The following IRAG1 variants were observed in gnomAD, a reference collection of about 807,000 sequenced individuals.
IRAG1 encodes the protein IP3R-associated cGMP kinase substrate.
In IRAG1, 62 loss-of-function variants were observed where a neutral mutation model predicts 106.2. That is an observed-to-expected ratio of 0.58 (90% confidence interval 0.48 to 0.72). The LOEUF (loss-of-function observed/expected upper bound fraction) is 0.72. Among genes scored for constraint, IRAG1 ranks in the 30% least tolerant of loss-of-function variants. The pLI is 0.00. For synonymous variants in IRAG1, 462 were observed against 443.9 expected (o/e 1.04, Z -0.51); for missense variants, 1,064 against 1,140.7 (o/e 0.93, Z 0.97).
In IRAG1 at chr11:10,576,161, G is replaced by A. The variant is rs907743050; in HGVS notation, c.*171C>T. 2 of 813,674 alleles carry A rather than the reference G, an allele frequency of 2.5e-6. No homozygotes were observed. The highest frequency in any genetic ancestry group is 3.5e-5 in the African/African-American group (2 of 57,678). The allele number at this position is 813,674 out of a possible 1,614,324, so 50.4% of individuals were successfully genotyped here. On this transcript the variant is annotated 3_prime_UTR_variant, in exon 21 of 21. Transcript: ENST00000423302. The stretch of plus-strand genomic sequence containing the variant: ...TTTGTTGATCCTCCAAGAACATCAA[G>A]TCACTGTGTATGAATAGCTCCCACA...
chr11:10,576,399 C>T lies in IRAG1; in HGVS notation c.2672G>A (p.Cys891Tyr), dbSNP rs1224546761. 1.9e-6 allele frequency: 3 copies of T among 1,613,858 alleles called. No individual in the cohort carries two copies. Among genetic ancestry groups the T allele is most frequent in the African/African-American group, 2.7e-5 (2 of 74,910 alleles). Residue 891 changes from cysteine (C) to tyrosine (Y), a missense_variant, in exon 21 of 21, where the codon TGC becomes TAC. Transcript: ENST00000423302. The stretch of plus-strand genomic sequence containing the variant: ...CCAGGAGTCCCTCTGGGCTGCCGAG[C>T]AAGTGGATCTTCCAAGGGGCCCATC... ...QADGPLGRSTCSAAQRDSWWS... is the reference protein window; with the variant it reads ...QADGPLGRSTYSAAQRDSWWS...
chr11:10,595,447 T>C (rs1853188421), intron 15 of IRAG1, among the ~76,000 whole-genome samples: 1 of 152,216 alleles, frequency 6.6e-6, no homozygotes, highest in Non-Finnish European at 1.5e-5. Flanking sequence ...CTCTTAACTT[T>C]TGAACATACT....
intron 1 of IRAG1, among the ~76,000 whole-genome samples, chr11:10,680,407 AAGAAAGGGAAAGAAAGAAAGAGAG>A (rs1589971746): frequency 2.9e-5 from 4 of 138,482 alleles, no homozygotes; most frequent in South Asian, 2.5e-4. Context: ...GAAGGAAGGA[AAGAAAGGGAAAGAAAGAAAGAGAG>A]GGAAGGAAGG....
chr11:10,585,336 C>T (rs1851841613), intron 18 of IRAG1, among the ~76,000 whole-genome samples: 1 of 152,064 alleles, frequency 6.6e-6, no homozygotes, highest in South Asian at 2.1e-4. Context: ...CTTGATCTTT[C>T]CAATGATAAG....
intron 20 of IRAG1, among the ~76,000 whole-genome samples, chr11:10,576,996 G>A (rs1220293434): frequency 6.6e-6 from 1 of 152,188 alleles, no homozygotes; most frequent in Non-Finnish European, 1.5e-5. Flanking sequence ...CTGCATTAAT[G>A]ATCAGTTCCA....
chr11:10,593,945 A>G (rs1852968422), intron 16 of IRAG1: 2 of 602,318 alleles, frequency 3.3e-6, no homozygotes, highest in Non-Finnish European at 5.9e-6. Flanking sequence ...CATTTAAGGG[A>G]TGTATACATA....
At chr11:10,642,794 T>C (rs1857613940) in intron 2 of IRAG1, among the ~76,000 whole-genome samples, 1 of 152,194 alleles carries the variant, frequency 6.6e-6, no homozygotes, top group Admixed American at 6.5e-5. Context: ...TCTTGTAGCC[T>C]GGAGGGCAAA....
At chr11:10,592,707 AT>A (rs2134215948) in intron 17 of IRAG1, among the ~76,000 whole-genome samples, 1 of 152,292 alleles carries the variant, frequency 6.6e-6, no homozygotes, top group Admixed American at 6.5e-5. Context: ...ATGGAAATGT[AT>A]TTTTCCTGAT....
rs1348666248 is a variant in IRAG1, at chr11:10,576,005, A to AC, written c.*326dup. The AC allele has an allele frequency of 6.4e-6, 2 of 312,742 alleles. No individual in the cohort carries two copies. The highest frequency in any genetic ancestry group is 1.2e-5 in the Non-Finnish European group (2 of 163,554). 19.4% of individuals were successfully genotyped at this position (312,742 alleles called of 1,614,324 possible). A position where few individuals can be genotyped will look rare whatever the true frequency, so the allele number is the denominator to read the frequency against. ...CCTCCTCCCCCGTGCCCCGCTCCTTACCCCCAACCACCAGTGAAGGTGTTT... is the reference window on the plus strand; with the variant it reads ...CCTCCTCCCCCGTGCCCCGCTCCTTACCCCCCAACCACCAGTGAAGGTGTTT... On this transcript the variant is annotated 3_prime_UTR_variant, in exon 21 of 21. Coordinates refer to ENST00000423302, the MANE Select transcript of IRAG1 (RefSeq NM_130385.4).
rs746931459 is a variant in IRAG1 at position 10,580,624 on chromosome 11, G to A, written c.2361-35C>T. On this transcript the variant is annotated intron_variant, in intron 19 of 20. Transcript: ENST00000423302. ...AAAAAGGAACAGTTGAGTCTGGAAA[G>A]GGCAGATGCAGTGCATCCTTTCCTG... 10 of 1,605,934 alleles carry A rather than the reference G, an allele frequency of 6.2e-6. No homozygotes were observed. In the South Asian group the frequency reaches 1.0e-4, roughly 16 times the overall value.
intron 19 of IRAG1, 80 bp downstream of exon 19, chr11:10,581,787 C>T: frequency 2.6e-6 from 4 of 1,545,764 alleles, no homozygotes; most frequent in Non-Finnish European, 3.5e-6. Context: ...CCTAAAGCCT[C>T]TAAGAAACAA....
intron 2 of IRAG1, among the ~76,000 whole-genome samples, chr11:10,634,746 A>T (rs1326194251): frequency 1.6e-5 from 1 of 60,686 alleles, no homozygotes; most frequent in Non-Finnish European, 3.3e-5. Context: ...AAGGATGAAT[A>T]ATATTCTTGT....
intron 1 of IRAG1, among the ~76,000 whole-genome samples, chr11:10,680,540 G>A (rs1237553242): frequency 4.7e-5 from 4 of 85,728 alleles, no homozygotes; most frequent in African/African-American, 1.1e-4. Context: ...AGGAAGGAAG[G>A]GGAAGGGGAA....
intron 2 of IRAG1, among the ~76,000 whole-genome samples, chr11:10,641,872 T>C (rs1056888365): frequency 1.1e-4 from 17 of 152,288 alleles, no homozygotes; most frequent in African/African-American, 2.9e-4. Flanking sequence ...CGCTTGTAAA[T>C]AGGGGAAGTG....
chr11:10,653,259 C>T (rs910383512), intron 1 of IRAG1, among the ~76,000 whole-genome samples: 1 of 152,142 alleles, frequency 6.6e-6, no homozygotes, highest in African/African-American at 2.4e-5. Context: ...AGCGAAGGGA[C>T]CTGCAGAGAA....
intron 10 of IRAG1, among the ~76,000 whole-genome samples, chr11:10,612,243 T>A (rs543851549): frequency 4.6e-5 from 7 of 152,306 alleles, no homozygotes. Context: ...TACGGACAGC[T>A]TGTCTCTACA....
At chr11:10,625,286 G>T (rs1239924300) in intron 9 of IRAG1, among the ~76,000 whole-genome samples, 1 of 152,184 alleles carries the variant, frequency 6.6e-6, no homozygotes, top group Non-Finnish European at 1.5e-5. Flanking sequence ...TATTCCAAGT[G>T]GGCCTTCTGG....
In IRAG1 at chr11:10,576,158, C is replaced by T. The variant is rs763507598; in HGVS notation, c.*174G>A. The T allele has an allele frequency of 4.0e-5, 32 of 799,672 alleles. No homozygotes were observed. The highest frequency in any genetic ancestry group is 5.2e-5 in the Non-Finnish European group (27 of 519,488). 49.5% of individuals were successfully genotyped at this position (799,672 alleles called of 1,614,324 possible). ...AGTTTTGTTGATCCTCCAAGAACAT[C>T]AAGTCACTGTGTATGAATAGCTCCC... On this transcript the variant is annotated 3_prime_UTR_variant, in exon 21 of 21. Transcript: ENST00000423302.
chr11:10,605,864 G>C lies in IRAG1; in HGVS notation c.1602+878C>G, dbSNP rs186688136. Among the ~76,000 whole-genome samples the C allele has an allele frequency of 4.7e-4, 71 of 152,336 alleles. 1 individual carries two copies. Among genetic ancestry groups the C allele is most frequent in the Non-Finnish European group, 6.8e-4 (46 of 68,036 alleles). ...CTATACCTTGATTATCCCCTTAACA[G>C]CAGTGTGACACAATGAGTTCTGAAT... On this transcript the variant is annotated intron_variant, in intron 12 of 20. Transcript: ENST00000423302.
Sources: gnomAD v4.1 joint callset for allele counts (sites outside exome capture counted in the v4.1 genomes callset) on GRCh38, gnomAD v4.1.1 for gene constraint, MANE v1.5 for transcripts, NCBI Gene and HGNC (gene_info 2026-07-23, HGNC 2026-07-21) for gene names.